SYNE1: variants seen among roughly 807,000 people sequenced by gnomAD.
SYNE1 encodes the protein nesprin-1.
SYNE1 carries 616 observed loss-of-function variants against 1,111.0 expected under a neutral mutation model. That is an observed-to-expected ratio of 0.55 (90% CI 0.52 to 0.59). SYNE1 has a LOEUF of 0.59. Ranked by LOEUF, SYNE1 falls within the 20% of genes least tolerant of loss-of-function variation. The pLI is 0.00. For missense variants in SYNE1, 10,006 were observed against 10,417.0 expected (o/e 0.96, Z 1.72); for synonymous variants, 3,855 against 3,825.8 (o/e 1.01, Z -0.28).
chr6:152,151,553 C>T lies in SYNE1; in HGVS notation c.24450G>A (p.Lys8150=). 2 of 1,613,856 alleles carry T rather than the reference C, an allele frequency of 1.2e-6. No homozygotes were observed. The highest frequency in any genetic ancestry group is 1.7e-6 in the Non-Finnish European group (2 of 1,179,974). ...GGTAACTTGAAAAATAATCTATTACCTTGAGTTGCTTTATTTTAGCTTGAA... is the reference window on the plus strand; with the variant it reads ...GGTAACTTGAAAAATAATCTATTACTTTGAGTTGCTTTATTTTAGCTTGAA... ...CDVQAKIKQL[K]AFQQEISLNH... The change falls in exon 135 of 146, where the codon AAG becomes AAA. Residue 8150 remains lysine (K), a splice_region_variant and synonymous_variant. Coordinates refer to ENST00000367255, the MANE Select transcript of SYNE1 (RefSeq NM_182961.4).
chr6:152,476,877 A>G (rs117515186), intron 14 of SYNE1, among the ~76,000 whole-genome samples: 30,155 of 151,526 alleles, frequency 0.2, 3,175 homozygotes, highest in East Asian at 0.34. Flanking sequence ...TAAAAAAAAA[A>G]AAAAGAAAAG....
intron 3 of SYNE1, among the ~76,000 whole-genome samples, chr6:152,624,639 T>G (rs1365959697): frequency 6.6e-6 from 1 of 152,156 alleles, no homozygotes; most frequent in African/African-American, 2.4e-5. Flanking sequence ...ATATTTAAAT[T>G]GAGTAAAGTT....
intron 6 of SYNE1, among the ~76,000 whole-genome samples, chr6:152,518,993 G>T (rs1016784281): frequency 4.0e-5 from 6 of 151,186 alleles, no homozygotes; most frequent in East Asian, 2.0e-4. Flanking sequence ...GTTGTAGGGT[G>T]GGGGGAGGGG....
intron 128 of SYNE1, among the ~76,000 whole-genome samples, chr6:152,182,229 C>G (rs561293344): frequency 6.6e-6 from 1 of 152,200 alleles, no homozygotes; most frequent in South Asian, 2.1e-4. Flanking sequence ...ATATAATACT[C>G]TTGTGTTCAT....
Position 152,592,382 on chromosome 6 carries a change from C to T in SYNE1, c.67+35883G>A, listed in dbSNP as rs1029624356. ...ATATACACCATGGAATTCTATGCAG[C>T]CATAAAAACAATGAAATCATGTCCT... On this transcript the variant is annotated intron_variant, in intron 3 of 145. Transcript: ENST00000367255. Among the ~76,000 whole-genome samples, 4 of 152,066 alleles carry T rather than the reference C, an allele frequency of 2.6e-5. No individual in the cohort carries two copies. The East Asian group carries it at 5.8e-4, about 22-fold the overall frequency.
At chr6:152,493,877 G>A (rs1246096721) in intron 11 of SYNE1, among the ~76,000 whole-genome samples, 1 of 152,062 alleles carries the variant, frequency 6.6e-6, no homozygotes, top group African/African-American at 2.4e-5. Context: ...CATACAAAAG[G>A]AAACCTAGCT....
chr6:152,375,071 G>A (rs916244566), intron 58 of SYNE1, among the ~76,000 whole-genome samples: 1 of 151,906 alleles, frequency 6.6e-6, no homozygotes, highest in African/African-American at 2.4e-5. Flanking sequence ...CTCCCAAGTA[G>A]ATAGGATTAC....
chr6:152,511,594 G>C, intron 6 of SYNE1: 1 of 1,612,334 alleles, frequency 6.2e-7, no homozygotes. Context: ...TGCATGGACT[G>C]ACATGAAAAA....
At chr6:152,565,765 T>C (rs1009819683) in intron 3 of SYNE1, among the ~76,000 whole-genome samples, 2 of 152,188 alleles carry the variant, frequency 1.3e-5, no homozygotes, top group Admixed American at 1.3e-4. Context: ...CAAATAGGAT[T>C]TCTTGTCCTT....
chr6:152,297,642 G>A (rs1053974981), intron 93 of SYNE1, among the ~76,000 whole-genome samples: 1 of 152,102 alleles, frequency 6.6e-6, no homozygotes, highest in African/African-American at 2.4e-5. Flanking sequence ...TACTATTACT[G>A]TCCATAAGGA....
chr6:152,218,639 A>G (rs1402910625), intron 120 of SYNE1, among the ~76,000 whole-genome samples: 1 of 152,228 alleles, frequency 6.6e-6, no homozygotes, highest in East Asian at 1.9e-4. Flanking sequence ...AATTCAAATT[A>G]TTCTTTAAAT....
Position 152,148,406 on chromosome 6 carries a change from C to A in SYNE1, c.24643-28G>T. 1 of 1,605,832 alleles carries A rather than the reference C, an allele frequency of 6.2e-7. No individual in the cohort carries two copies. Among genetic ancestry groups the A allele is most frequent in the South Asian group, 1.1e-5 (1 of 90,010 alleles). ...AGAAGGGAAGTCAAGGCAACCCTGT[C>A]ACTGTAGTGGTCAGACTAGCTTCTT... On this transcript the variant is annotated intron_variant, in intron 136 of 145. Transcript: ENST00000367255. The surrounding 1 kb of genome is among the most constrained non-coding windows in gnomAD (Gnocchi z 4.1).
At chr6:152,544,143 C>T (rs2099292039) in intron 3 of SYNE1, among the ~76,000 whole-genome samples, 1 of 152,202 alleles carries the variant, frequency 6.6e-6, no homozygotes, top group South Asian at 2.1e-4. Flanking sequence ...ATTGCAAAGG[C>T]ATCGTAAAAT....
chr6:152,591,963 T>A (rs936113450), intron 3 of SYNE1, among the ~76,000 whole-genome samples: 1 of 152,072 alleles, frequency 6.6e-6, no homozygotes, highest in African/African-American at 2.4e-5. Context: ...ATCAAAAGCA[T>A]AATGAGATAC....
At chr6:152,296,481 A>G (rs1054279434) in intron 93 of SYNE1, among the ~76,000 whole-genome samples, 2 of 152,210 alleles carry the variant, frequency 1.3e-5, no homozygotes, top group Non-Finnish European at 2.9e-5. Context: ...CCTAAGCTAT[A>G]AACTTGGGAT....
Position 152,409,227 on chromosome 6 carries a change from C to T in SYNE1, c.6382-1G>A. ...TCATTTTGTTCTTGGCAGTTTCATG[C>T]TGTGGATAAATGATTTCTTAATTAA... On this transcript the variant is annotated splice_acceptor_variant, in intron 43 of 145. Transcript: ENST00000367255. LOFTEE classifies it high-confidence loss of function. 3 of 1,613,686 alleles carry T rather than the reference C, an allele frequency of 1.9e-6. No individual in the cohort carries two copies. The highest frequency in any genetic ancestry group is 2.5e-6 in the Non-Finnish European group (3 of 1,179,750).
chr6:152,390,183 G>A lies in SYNE1; in HGVS notation c.8177+97C>T, dbSNP rs2097585505. ...GCATGCCTACAAGCTACAGTAAAATGCTTGGGAATTCCACCCCAGGAGACC... is the reference window on the plus strand; with the variant it reads ...GCATGCCTACAAGCTACAGTAAAATACTTGGGAATTCCACCCCAGGAGACC... On this transcript the variant is annotated intron_variant, in intron 53 of 145. Transcript: ENST00000367255. 3.0e-6 allele frequency: 4 copies of A among 1,327,998 alleles called. No homozygotes were observed. In the East Asian group the frequency reaches 9.4e-5, roughly 31 times the overall value. The allele number at this position is 1,327,998 out of a possible 1,614,324, so 82.3% of individuals were successfully genotyped here. A position where few individuals can be genotyped will look rare whatever the true frequency, so the allele number is the denominator to read the frequency against.
intron 4 of SYNE1, among the ~76,000 whole-genome samples, chr6:152,526,496 C>T (rs903427097): frequency 1.3e-5 from 2 of 152,128 alleles, no homozygotes; most frequent in Admixed American, 6.5e-5. Context: ...AAAGAGGATA[C>T]TATCAACCTA....
intron 134 of SYNE1, 125 bp from the exon 135 acceptor site, chr6:152,151,815 C>A: frequency 6.7e-7 from 1 of 1,493,788 alleles, no homozygotes; most frequent in Non-Finnish European, 9.1e-7. Flanking sequence ...GAGAAGCCTG[C>A]AATCCTTTGC....
Sources: allele counts gnomAD v4.1 joint callset (sites outside exome capture counted in the v4.1 genomes callset), GRCh38; gene constraint gnomAD v4.1.1; non-coding constraint Gnocchi (gnomAD v3.1); transcripts MANE v1.5; gene names NCBI Gene and HGNC (gene_info 2026-07-23, HGNC 2026-07-21).